SUMF1: variants seen among roughly 807,000 people sequenced by gnomAD.
The protein encoded by SUMF1 is sulfatase modifying factor 1.
A neutral mutation model predicts 47.6 loss-of-function variants in SUMF1; 48 were observed. The ratio of observed to expected loss-of-function variants is 1.01; its 90% confidence interval spans 0.80 to 1.28. The LOEUF (loss-of-function observed/expected upper bound fraction) is 1.28, where lower values mean the gene tolerates loss of function less well. Ranked by LOEUF, SUMF1 falls within the 50% of genes most tolerant of loss-of-function variation. The pLI is 0.00. For missense variants in SUMF1, 571 were observed against 485.4 expected (o/e 1.18, Z -1.66); for synonymous variants, 230 against 192.1 (o/e 1.20, Z -1.63).
chr3:4,164,961 G>C (rs2125117595), intron 8 of SUMF1, among the ~76,000 whole-genome samples: 1 of 152,156 alleles, frequency 6.6e-6, no homozygotes, highest in Non-Finnish European at 1.5e-5. Context: ...AATAATTCAT[G>C]GGCTTTTTCC....
chr3:4,393,033 C>T (rs1700926259), intron 7 of SUMF1, among the ~76,000 whole-genome samples: 1 of 152,132 alleles, frequency 6.6e-6, no homozygotes, highest in South Asian at 2.1e-4. Context: ...GCTGGGCTCT[C>T]TTGGGTCTTC....
chr3:4,206,330 G>T (rs954666061), intron 8 of SUMF1, among the ~76,000 whole-genome samples: 1 of 151,944 alleles, frequency 6.6e-6, no homozygotes, highest in Non-Finnish European at 1.5e-5. Context: ...ACCAGAACTT[G>T]CTCAGGAATC....
chr3:4,340,343 C>T (rs1225874464), intron 8 of SUMF1, among the ~76,000 whole-genome samples: 1 of 152,156 alleles, frequency 6.6e-6, no homozygotes, highest in Non-Finnish European at 1.5e-5. Flanking sequence ...CCACTTGCTG[C>T]TTGGTGCCAT....
chr3:4,393,405 T>C (rs1424182766), intron 7 of SUMF1, among the ~76,000 whole-genome samples: 1 of 152,128 alleles, frequency 6.6e-6, no homozygotes, highest in African/African-American at 2.4e-5. Context: ...CAATCATAGC[T>C]CACCATAGCC....
chr3:4,037,616 G>A (rs1428412106), intron 9 of SUMF1, among the ~76,000 whole-genome samples: 1 of 152,074 alleles, frequency 6.6e-6, no homozygotes, highest in African/African-American at 2.4e-5. Context: ...AAATCTTGAT[G>A]ATCTTCATTC....
chr3:4,231,079 G>C (rs1575000942), intron 8 of SUMF1, among the ~76,000 whole-genome samples: 1 of 152,098 alleles, frequency 6.6e-6, no homozygotes, highest in African/African-American at 2.4e-5. Flanking sequence ...CCAGCTAACA[G>C]ATATTCCTGA....
intron 8 of SUMF1, among the ~76,000 whole-genome samples, chr3:4,362,913 C>G (rs530594097): frequency 6.7e-6 from 1 of 150,206 alleles, no homozygotes; most frequent in African/African-American, 2.5e-5. Context: ...GATCTTGTGT[C>G]CAAAAAAAGA....
At chr3:4,347,546 G>A (rs190774215) in intron 8 of SUMF1, among the ~76,000 whole-genome samples, 4 of 152,218 alleles carry the variant, frequency 2.6e-5, no homozygotes, top group Admixed American at 2.6e-4. Flanking sequence ...AATAATAAGA[G>A]CTATTTATGT....
At chr3:4,349,296 G>A (rs749120357) in intron 8 of SUMF1, among the ~76,000 whole-genome samples, 3 of 152,148 alleles carry the variant, frequency 2.0e-5, no homozygotes, top group Admixed American at 6.5e-5. Context: ...ACCATTTCAC[G>A]CCAGTCAGAA....
intron 8 of SUMF1, among the ~76,000 whole-genome samples, chr3:4,137,469 T>G (rs1693964763): frequency 6.7e-6 from 1 of 149,458 alleles, no homozygotes. Context: ...CTGGGGCCTG[T>G]TGTGGGGTGG....
intron 8 of SUMF1, among the ~76,000 whole-genome samples, chr3:4,124,147 C>CAAAAAAAA (rs1559490301): frequency 1.3e-5 from 2 of 152,088 alleles, no homozygotes; most frequent in Admixed American, 6.5e-5. Flanking sequence ...AAATAAAAAT[C>CAAAAAAAA]TCATTTATAA....
At chr3:4,120,072 G>C (rs12106726) in intron 8 of SUMF1, among the ~76,000 whole-genome samples, 12,154 of 152,148 alleles carry the variant, frequency 0.08, 1,239 homozygotes, top group African/African-American at 0.21. Flanking sequence ...AGCTGAGCCA[G>C]GCACAATGTT....
At chr3:4,338,944 A>G (rs1460377932) in intron 8 of SUMF1, among the ~76,000 whole-genome samples, 1 of 152,148 alleles carries the variant, frequency 6.6e-6, no homozygotes, top group Non-Finnish European at 1.5e-5. Context: ...GTCTTTGCTC[A>G]CCAGAGCCTC....
At chr3:4,174,173 G>A (rs1694902565) in intron 8 of SUMF1, among the ~76,000 whole-genome samples, 1 of 151,822 alleles carries the variant, frequency 6.6e-6, no homozygotes, top group African/African-American at 2.4e-5. Context: ...TGGCTAACAT[G>A]GTGAAACCCC....
intron 8 of SUMF1, among the ~76,000 whole-genome samples, chr3:4,123,214 G>A (rs795305): frequency 0.36 from 55,047 of 152,016 alleles, 10,337 homozygotes; most frequent in East Asian, 0.58. Flanking sequence ...ATCTTTGAAG[G>A]AGTAATATGT....
chr3:4,204,624 T>A (rs888187711), intron 8 of SUMF1, among the ~76,000 whole-genome samples: 1 of 152,150 alleles, frequency 6.6e-6, no homozygotes, highest in Non-Finnish European at 1.5e-5. Flanking sequence ...AGATTTGCCC[T>A]TTTGAGGCTC....
chr3:4,273,704 A>AGGGAGGATACGGGAG (rs1697349811), intron 8 of SUMF1, among the ~76,000 whole-genome samples: 1 of 97,878 alleles, frequency 1.0e-5, no homozygotes, highest in Non-Finnish European at 1.9e-5. Flanking sequence ...AGGATACGGG[A>AGGGAGGATACGGGAG]GGGAGGATAC....
intron 8 of SUMF1, among the ~76,000 whole-genome samples, chr3:4,366,193 T>C (rs1699950291): frequency 1.3e-5 from 2 of 151,802 alleles, no homozygotes; most frequent in South Asian, 2.1e-4. Context: ...TAATTATGTG[T>C]CTTGGAGTTG....
In SUMF1 at chr3:4,125,654, GTTC is replaced by G. The variant is rs777578875; in HGVS notation, c.1015-56912_1015-56910del. ...TGTCAAAAGAAATACAGAAGAGAAA[GTTC>G]TTCTGTCATAATCAATTATTATTTG... On this transcript the variant is annotated intron_variant and NMD_transcript_variant, in intron 8 of 12. Coordinates refer to the SUMF1 transcript ENST00000448413. Among the ~76,000 whole-genome samples the G allele has an allele frequency of 8.5e-5, 13 of 152,214 alleles. 2 individuals are homozygous for G. The highest frequency in any genetic ancestry group is 1.9e-4 in the East Asian group (1 of 5,178).
Sources: allele counts gnomAD v4.1 joint callset (sites outside exome capture counted in the v4.1 genomes callset), GRCh38; gene constraint gnomAD v4.1.1; transcripts MANE v1.5; gene names NCBI Gene and HGNC (gene_info 2026-07-23, HGNC 2026-07-21).